NRXN3: variants seen among roughly 807,000 people sequenced by gnomAD.
The protein encoded by NRXN3 is neurexin III.
NRXN3 carries 32 observed loss-of-function variants against 137.6 expected under a neutral mutation model. The observed-to-expected ratio is 0.23, with a 90% CI of 0.18 to 0.31. The LOEUF is 0.31. Ranked by LOEUF, NRXN3 falls within the 10% of genes least tolerant of loss-of-function variation. NRXN3 has a pLI of 1.00. For missense variants in NRXN3, 1,574 were observed against 2,062.5 expected, an observed-to-expected ratio of 0.76 and a Z score of 4.59; for synonymous variants, 798 against 784.5, an observed-to-expected ratio of 1.02 and a Z score of -0.29.
chr14:78,997,148 C>G (rs1052104574), intron 15 of NRXN3, among the ~76,000 whole-genome samples: 6 of 152,136 alleles, frequency 3.9e-5, no homozygotes, highest in Non-Finnish European at 8.8e-5. Flanking sequence ...TGAAAATAAG[C>G]TGGGACTCAT....
intron 15 of NRXN3, among the ~76,000 whole-genome samples, chr14:79,138,541 G>A (rs1404579028): frequency 1.3e-5 from 2 of 152,234 alleles, no homozygotes; most frequent in Non-Finnish European, 2.9e-5. Flanking sequence ...ATAGGGGATA[G>A]CAGAAGTGTG....
chr14:79,108,410 G>A (rs1374419457), intron 15 of NRXN3, among the ~76,000 whole-genome samples: 1 of 152,124 alleles, frequency 6.6e-6, no homozygotes, highest in Non-Finnish European at 1.5e-5. Context: ...AACATCGTTT[G>A]TGCTAGCCTT....
chr14:79,620,611 A>G (rs186707365), intron 16 of NRXN3, among the ~76,000 whole-genome samples: 17 of 152,268 alleles, frequency 1.1e-4, no homozygotes, highest in Non-Finnish European at 1.8e-4. Flanking sequence ...TTATGCCTGA[A>G]TGAATGGAAA....
chr14:79,828,636 A>T (rs1357011279), intron 20 of NRXN3, among the ~76,000 whole-genome samples: 4 of 122,418 alleles, frequency 3.3e-5, no homozygotes, highest in Non-Finnish European at 6.5e-5. Context: ...AAAAAAAAAA[A>T]AAAAGTAAAA....
chr14:78,968,070 A>T (rs999621026), intron 13 of NRXN3, 103 bp from the exon 14 acceptor site: 5 of 60,166 alleles, frequency 8.3e-5, no homozygotes, highest in East Asian at 1.2e-3. Context: ...CCCCCCAGCT[A>T]TCTTATTCCT....
chr14:78,226,343 A>G (rs1396041522), intron 1 of NRXN3, among the ~76,000 whole-genome samples: 2 of 152,134 alleles, frequency 1.3e-5, no homozygotes, highest in African/African-American at 4.8e-5. Context: ...GAATGAATGA[A>G]TAAGGGCGCG....
At chr14:79,805,047 G>C in intron 19 of NRXN3, 65 bp from the exon 20 acceptor site, 1 of 1,140,214 alleles carries the variant, frequency 8.8e-7, no homozygotes, top group Non-Finnish European at 1.3e-6. Context: ...TTGTTCATTA[G>C]TTTCCTTATC....
intron 10 of NRXN3, among the ~76,000 whole-genome samples, chr14:78,921,512 A>G (rs973250365): frequency 6.6e-6 from 1 of 152,232 alleles, no homozygotes; most frequent in African/African-American, 2.4e-5. Flanking sequence ...AAAATGGAGA[A>G]GTCAACACTG....
At chr14:78,495,234 G>A (rs932516494) in intron 4 of NRXN3, among the ~76,000 whole-genome samples, 2 of 151,650 alleles carry the variant, frequency 1.3e-5, no homozygotes, top group African/African-American at 2.4e-5. Context: ...CATTTCTACT[G>A]GGATGAGCAA....
intron 4 of NRXN3, among the ~76,000 whole-genome samples, chr14:78,325,242 G>A (rs1350983452): frequency 6.6e-6 from 1 of 152,094 alleles, no homozygotes; most frequent in Admixed American, 6.5e-5. Context: ...CAGGGGTTAT[G>A]TTTCGGGGTG....
At position 79,017,187 on chromosome 14, in the gene NRXN3, C is replaced by T. The variant is rs75289204; in HGVS notation, c.3262+29046C>T. Reference sequence around the variant, plus strand: ...TGGCTAACTATGAATTGAGTGGATCCAATGACCACTGCCCTCCTTGTGCAG... The same window carrying T: ...TGGCTAACTATGAATTGAGTGGATCTAATGACCACTGCCCTCCTTGTGCAG... On this transcript the variant is annotated intron_variant, in intron 15 of 20. Transcript: ENST00000335750. Among the ~76,000 whole-genome samples the T allele has an allele frequency of 7.3e-3, 1,112 of 151,930 alleles. 13 individuals carry two copies. Among genetic ancestry groups the T allele is most frequent in the African/African-American group, 0.026 (1,070 of 41,448 alleles).
chr14:79,582,655 G>C (rs1002017628), intron 16 of NRXN3, among the ~76,000 whole-genome samples: 2 of 150,496 alleles, frequency 1.3e-5, no homozygotes, highest in African/African-American at 2.4e-5. Flanking sequence ...TCTTGATCTC[G>C]TGATCTGCCC....
intron 8 of NRXN3, among the ~76,000 whole-genome samples, chr14:78,757,435 AC>A (rs2098674089): frequency 6.7e-6 from 1 of 148,606 alleles, no homozygotes; most frequent in African/African-American, 2.6e-5. Context: ...ATTCTGCATG[AC>A]AAATTAATTA....
chr14:79,154,198 G>A (rs77093668), intron 15 of NRXN3, among the ~76,000 whole-genome samples: 42 of 151,968 alleles, frequency 2.8e-4, no homozygotes, highest in African/African-American at 1.0e-3. Flanking sequence ...AATGTGAATG[G>A]CTTCTCTCTT....
intron 16 of NRXN3, among the ~76,000 whole-genome samples, chr14:79,576,096 G>C (rs947653687): frequency 6.6e-6 from 1 of 152,134 alleles, no homozygotes; most frequent in African/African-American, 2.4e-5. Context: ...CTGGCTGTTG[G>C]GATGGCGTCT....
At chr14:78,780,272 T>A (rs1175060396) in intron 8 of NRXN3, among the ~76,000 whole-genome samples, 1 of 152,160 alleles carries the variant, frequency 6.6e-6, no homozygotes, top group African/African-American at 2.4e-5. Context: ...AAAATGAAAT[T>A]AGACTTCATT....
intron 19 of NRXN3, among the ~76,000 whole-genome samples, chr14:79,791,532 TA>T (rs1200146403): frequency 7.0e-6 from 1 of 142,352 alleles, no homozygotes; most frequent in Non-Finnish European, 1.5e-5. Context: ...TATATTATAA[TA>T]ATTATAATTA....
At chr14:78,541,287 A>G (rs1394956144) in intron 4 of NRXN3, among the ~76,000 whole-genome samples, 3 of 152,210 alleles carry the variant, frequency 2.0e-5, no homozygotes, top group Non-Finnish European at 4.4e-5. Flanking sequence ...ACATACTCCC[A>G]TATTTCTTTG....
Position 78,651,339 on chromosome 14 carries a change from C to G in NRXN3, c.1221+13C>G, listed in dbSNP as rs1304079308. The G allele has an allele frequency of 1.2e-6, 2 of 1,612,904 alleles. No homozygotes were observed. Among genetic ancestry groups the G allele is most frequent in the African/African-American group, 2.7e-5 (2 of 74,864 alleles). On this transcript the variant is annotated intron_variant, in intron 6 of 20. Coordinates refer to ENST00000335750, the MANE Select transcript of NRXN3 (RefSeq NM_001330195.2). ...CTGCCTTAAAGAGGTAAAGTTCACCCAATTCTATTTAATGCACCATGTGAT... is the reference window on the plus strand; with the variant it reads ...CTGCCTTAAAGAGGTAAAGTTCACCGAATTCTATTTAATGCACCATGTGAT...
Sources: allele counts gnomAD v4.1 joint callset (sites outside exome capture counted in the v4.1 genomes callset), GRCh38; gene constraint gnomAD v4.1.1; transcripts MANE v1.5; gene names NCBI Gene and HGNC (gene_info 2026-07-23, HGNC 2026-07-21).